Variants in LY96 observed in about 807,000 individuals in gnomAD.
LY96 encodes the protein myeloid differentiation protein-2.
In LY96, 18 loss-of-function variants were observed where a neutral mutation model predicts 18.9. The observed-to-expected ratio is 0.95, with a 90% confidence interval of 0.66 to 1.41. The LOEUF is 1.41. LY96 is among the 40% of genes most tolerant of loss of function. LY96 has a pLI of 0.00. For missense variants in LY96, 175 were observed against 182.4 expected, an observed-to-expected ratio of 0.96 and a Z score of 0.23; for synonymous variants, 66 against 62.6, an observed-to-expected ratio of 1.06 and a Z score of -0.26.
chr8:74,008,898 G>A (rs927195053), intron 2 of LY96, among the ~76,000 whole-genome samples: 4 of 152,144 alleles, frequency 2.6e-5, no homozygotes, highest in African/African-American at 9.7e-5. Flanking sequence ...AGAGATTGGA[G>A]GACACCTGGA....
At chr8:74,076,497 G>A in the LY96 span, among the ~76,000 whole-genome samples, 1 of 151,918 alleles carries the variant, frequency 6.6e-6, no homozygotes, top group African/African-American at 2.4e-5. Flanking sequence ...CTAATATTTT[G>A]TATTTTTAGT....
intron 3 of LY96, among the ~76,000 whole-genome samples, chr8:74,026,272 T>C (rs1816869779): frequency 6.6e-6 from 1 of 152,258 alleles, no homozygotes; most frequent in Non-Finnish European, 1.5e-5. Flanking sequence ...TTTTCTGCAC[T>C]TTTGACTCTG....
chr8:74,070,100 T>G, the LY96 span, among the ~76,000 whole-genome samples: 17 of 149,900 alleles, frequency 1.1e-4, no homozygotes, highest in East Asian at 3.1e-3. Flanking sequence ...TTTTCTTTCT[T>G]TTTTTTTTTG....
At chr8:74,054,414 G>A in the LY96 span, among the ~76,000 whole-genome samples, 1 of 152,306 alleles carries the variant, frequency 6.6e-6, no homozygotes, top group South Asian at 2.1e-4. Flanking sequence ...TCTTATGCAA[G>A]TGGTAGGGCA....
the LY96 span, among the ~76,000 whole-genome samples, chr8:74,091,547 A>G: frequency 6.6e-6 from 1 of 152,130 alleles, no homozygotes; most frequent in Non-Finnish European, 1.5e-5. Flanking sequence ...ATGAAATTGT[A>G]TTCTTTCATG....
the LY96 span, among the ~76,000 whole-genome samples, chr8:74,043,130 C>T: frequency 1.3e-5 from 2 of 152,196 alleles, no homozygotes; most frequent in Non-Finnish European, 2.9e-5. Flanking sequence ...ACAGCAACCA[C>T]ATCCCTGTCA....
the LY96 span, among the ~76,000 whole-genome samples, chr8:74,081,955 A>G: frequency 6.6e-6 from 1 of 152,082 alleles, no homozygotes; most frequent in African/African-American, 2.4e-5. Context: ...TGTTTCTTGT[A>G]TTGGTTATCA....
At chr8:74,045,213 G>A in the LY96 span, among the ~76,000 whole-genome samples, 3 of 152,164 alleles carry the variant, frequency 2.0e-5, no homozygotes, top group African/African-American at 7.2e-5. Context: ...TGTCAGTCTG[G>A]GCATTAGAGA....
intron 2 of LY96, among the ~76,000 whole-genome samples, chr8:74,006,184 T>C (rs1020571419): frequency 1.3e-5 from 2 of 152,188 alleles, no homozygotes; most frequent in African/African-American, 4.8e-5. Flanking sequence ...ATTGATAAGA[T>C]ATTCTCTCTC....
chr8:73,996,538 C>T (rs1816150908), intron 1 of LY96, among the ~76,000 whole-genome samples: 1 of 151,736 alleles, frequency 6.6e-6, no homozygotes, highest in Admixed American at 6.6e-5. Flanking sequence ...GTGCCTCGGC[C>T]TCCCAAGTAG....
chr8:74,030,675 C>G (rs995707837), downstream of LY96, among the ~76,000 whole-genome samples: 3 of 151,900 alleles, frequency 2.0e-5, no homozygotes, highest in Non-Finnish European at 4.4e-5. Flanking sequence ...ATGACAAACC[C>G]TGGGTTTATA....
At chr8:74,018,896 C>T (rs890167240) in intron 3 of LY96, among the ~76,000 whole-genome samples, 3 of 152,102 alleles carry the variant, frequency 2.0e-5, no homozygotes, top group African/African-American at 7.2e-5. Context: ...ACATAACGTA[C>T]CAGAATCTCT....
the LY96 span, among the ~76,000 whole-genome samples, chr8:74,088,885 C>T: frequency 6.6e-6 from 1 of 152,320 alleles, no homozygotes; most frequent in Admixed American, 6.5e-5. Context: ...TGTGCCTGAC[C>T]TCTCCTGCCT....
chr8:74,091,687 T>C, the LY96 span, among the ~76,000 whole-genome samples: 1 of 152,204 alleles, frequency 6.6e-6, no homozygotes, highest in East Asian at 1.9e-4. Context: ...TGCCTTTTCT[T>C]TTCTGGGACT....
At chr8:74,004,933 A>T in intron 2 of LY96, 48 bp downstream of exon 2, 2 of 1,536,784 alleles carry the variant, frequency 1.3e-6, no homozygotes, top group Non-Finnish European at 1.8e-6. Flanking sequence ...GAGTTAAGAA[A>T]TATCAGTGAT....
At chr8:74,073,024 A>G in the LY96 span, among the ~76,000 whole-genome samples, 2 of 152,192 alleles carry the variant, frequency 1.3e-5, no homozygotes, top group African/African-American at 4.8e-5. Flanking sequence ...CTTGAAGTCC[A>G]TGATGCAGGT....
chr8:74,047,534 T>A, the LY96 span, among the ~76,000 whole-genome samples: 1 of 152,166 alleles, frequency 6.6e-6, no homozygotes, highest in African/African-American at 2.4e-5. Context: ...AGTAATATAA[T>A]CCTTGTGCAC....
chr8:74,074,918 T>C, the LY96 span, among the ~76,000 whole-genome samples: 1 of 152,336 alleles, frequency 6.6e-6, no homozygotes, highest in East Asian at 1.9e-4. Context: ...GATCTATCCT[T>C]GAGAATGATC....
rs1296203422 is a variant in LY96 at position 74,006,151 on chromosome 8, A to G, written c.202+1266A>G. 2.6e-5 allele frequency among the ~76,000 whole-genome samples: 4 copies of G among 152,206 alleles called. No homozygotes were observed. The South Asian group carries it at 8.3e-4, about 31-fold the overall frequency. On this transcript the variant is annotated intron_variant, in intron 2 of 4. Transcript: ENST00000284818. ...AAAAGATGCTTAGTAAATTGTAAGTATCATGCTAGGCACTGTGAATTCATT... is the reference window on the plus strand; with the variant it reads ...AAAAGATGCTTAGTAAATTGTAAGTGTCATGCTAGGCACTGTGAATTCATT...
Sources: gnomAD v4.1 joint callset for allele counts (sites outside exome capture counted in the v4.1 genomes callset) on GRCh38, gnomAD v4.1.1 for gene constraint, MANE v1.5 for transcripts, NCBI Gene and HGNC (gene_info 2026-07-23, HGNC 2026-07-21) for gene names.